CD96: variants seen among roughly 807,000 people sequenced by gnomAD.
The protein encoded by CD96 is T-cell surface protein tactile.
In CD96, 70 loss-of-function variants were observed where a neutral mutation model predicts 71.3. The observed-to-expected ratio is 0.98, with a 90% confidence interval of 0.81 to 1.20. The LOEUF is 1.20. CD96 is among the 50% of genes most tolerant of loss of function. The pLI is 0.00. For synonymous variants in CD96, 248 were observed against 233.0 expected (o/e 1.06, Z -0.59); for missense variants, 742 against 677.5 (o/e 1.10, Z -1.06).
chr3:111,605,337 A>T (rs1937593282), intron 7 of CD96, among the ~76,000 whole-genome samples: 1 of 152,212 alleles, frequency 6.6e-6, no homozygotes, highest in Non-Finnish European at 1.5e-5. Context: ...ATAAATTAAG[A>T]TCAAGAAGTC....
chr3:111,637,975 A>C, intron 11 of CD96, 104 bp from the exon 12 acceptor site: 1 of 783,740 alleles, frequency 1.3e-6, no homozygotes, highest in South Asian at 1.4e-5. Context: ...TACTTAGACA[A>C]TTTAAATTGA....
chr3:111,619,417 A>G (rs889789604), intron 8 of CD96, among the ~76,000 whole-genome samples: 6 of 152,172 alleles, frequency 3.9e-5, no homozygotes, highest in African/African-American at 1.4e-4. Flanking sequence ...ATTTCATCTT[A>G]TTTCCTGGAG....
intron 5 of CD96, among the ~76,000 whole-genome samples, chr3:111,587,668 A>T (rs1221430833): frequency 6.6e-6 from 1 of 152,168 alleles, no homozygotes; most frequent in Non-Finnish European, 1.5e-5. Flanking sequence ...GCCTGCAGCA[A>T]ACTTTTGCCT....
intron 8 of CD96, among the ~76,000 whole-genome samples, chr3:111,607,277 T>C (rs1351179682): frequency 1.3e-5 from 2 of 152,216 alleles, no homozygotes; most frequent in Non-Finnish European, 1.5e-5. Context: ...TGGTTGTAAA[T>C]GGGGATAGGC....
chr3:111,597,359 C>G (rs183652396), intron 5 of CD96, among the ~76,000 whole-genome samples: 8 of 152,288 alleles, frequency 5.3e-5, no homozygotes, highest in Non-Finnish European at 7.4e-5. Context: ...TAAAACATAA[C>G]TAGCCCTGCA....
intron 2 of CD96, among the ~76,000 whole-genome samples, chr3:111,558,903 C>T (rs1271817756): frequency 6.6e-6 from 1 of 151,942 alleles, no homozygotes; most frequent in African/African-American, 2.4e-5. Flanking sequence ...TTGGTCTATT[C>T]AGAGATGCAA....
chr3:111,618,566 C>T (rs1202429102), intron 8 of CD96, among the ~76,000 whole-genome samples: 4 of 150,814 alleles, frequency 2.7e-5, no homozygotes, highest in African/African-American at 9.8e-5. Context: ...GAAACAATGA[C>T]CAAATTTATT....
intron 10 of CD96, among the ~76,000 whole-genome samples, chr3:111,636,310 G>A (rs1162581924): frequency 6.6e-6 from 1 of 152,164 alleles, no homozygotes; most frequent in Non-Finnish European, 1.5e-5. Context: ...AAAGCGGAGG[G>A]CTGAGGGTAT....
chr3:111,549,533 G>A (rs768525696), intron 2 of CD96, among the ~76,000 whole-genome samples: 3 of 152,082 alleles, frequency 2.0e-5, no homozygotes, highest in Non-Finnish European at 2.9e-5. Context: ...AGGCAGAGAC[G>A]ATAGTGTGGA....
At chr3:111,589,756 G>A (rs1459996036) in intron 5 of CD96, among the ~76,000 whole-genome samples, 1 of 152,120 alleles carries the variant, frequency 6.6e-6, no homozygotes, top group African/African-American at 2.4e-5. Flanking sequence ...GGCAGAGCTG[G>A]GATGCATATT....
downstream of CD96, among the ~76,000 whole-genome samples, chr3:111,657,227 G>A (rs747279433): frequency 5.9e-5 from 9 of 152,076 alleles, no homozygotes; most frequent in Non-Finnish European, 1.2e-4. Context: ...AGACCAGCCT[G>A]GCCAACATGG....
At chr3:111,551,400 A>T (rs62273545) in intron 2 of CD96, among the ~76,000 whole-genome samples, 18,158 of 152,196 alleles carry the variant, frequency 0.12, 1,181 homozygotes, top group Non-Finnish European at 0.13. Flanking sequence ...GTCTACATAA[A>T]AACATTTTCA....
At chr3:111,627,935 C>T (rs1264265215) in intron 10 of CD96, among the ~76,000 whole-genome samples, 1 of 152,016 alleles carries the variant, frequency 6.6e-6, no homozygotes, top group Admixed American at 6.6e-5. Flanking sequence ...CCAGACTAGT[C>T]GTTCAAAGAA....
In CD96 at chr3:111,659,848, A is replaced by G. The variant is rs562041550; in HGVS notation, c.*53-5679A>G. 2.6e-5 allele frequency among the ~76,000 whole-genome samples: 4 copies of G among 152,322 alleles called. No homozygotes were observed. In the East Asian group the frequency reaches 7.7e-4, roughly 29 times the overall value. ...ACATTCTTTCATGAAAAAATTCCTC[A>G]ACAGATTAGGCATCAAAGGAACATA... On this transcript the variant is annotated intron_variant and NMD_transcript_variant, in intron 14 of 14. Coordinates refer to the CD96 transcript ENST00000494798.
At chr3:111,574,550 G>C (rs1936136121) in intron 3 of CD96, among the ~76,000 whole-genome samples, 1 of 152,120 alleles carries the variant, frequency 6.6e-6, no homozygotes, top group African/African-American at 2.4e-5. Context: ...TTTAGGATTT[G>C]TCAAGTATTT....
intron 13 of CD96, among the ~76,000 whole-genome samples, chr3:111,648,713 A>G (rs927399562): frequency 6.6e-6 from 1 of 151,978 alleles, no homozygotes; most frequent in African/African-American, 2.4e-5. Context: ...TTTGTTTTAT[A>G]TGGAGATGAG....
intron 10 of CD96, among the ~76,000 whole-genome samples, chr3:111,624,786 G>A (rs1359674383): frequency 6.6e-6 from 1 of 152,152 alleles, no homozygotes; most frequent in Non-Finnish European, 1.5e-5. Context: ...ATATATTTGG[G>A]GAAAGAGCAA....
intron 3 of CD96, among the ~76,000 whole-genome samples, chr3:111,570,197 GCCT>G (rs1935912472): frequency 2.6e-5 from 4 of 152,182 alleles, no homozygotes; most frequent in Middle Eastern, 3.2e-3. Flanking sequence ...GGACCCTGCT[GCCT>G]GGAGGGCTCA....
intron 7 of CD96, among the ~76,000 whole-genome samples, chr3:111,605,297 A>T (rs1206506585): frequency 6.6e-6 from 1 of 152,218 alleles, no homozygotes; most frequent in East Asian, 1.9e-4. Flanking sequence ...GAGAAGGTAC[A>T]TTCAGGAAAG....
Sources: allele counts gnomAD v4.1 joint callset (sites outside exome capture counted in the v4.1 genomes callset), GRCh38; gene constraint gnomAD v4.1.1; transcripts MANE v1.5; gene names NCBI Gene and HGNC (gene_info 2026-07-23, HGNC 2026-07-21).